PDE5A: variants seen among roughly 807,000 people sequenced by gnomAD.
PDE5A encodes phosphodiesterase 5A, also known as cGMP-specific 3',5'-cyclic phosphodiesterase.
A neutral mutation model predicts 110.2 loss-of-function variants in PDE5A; 67 were observed. That is an observed-to-expected ratio of 0.61 (90% CI 0.50 to 0.75). The LOEUF is 0.75. Ranked by LOEUF, PDE5A falls within the 30% of genes least tolerant of loss-of-function variation. The pLI, the probability that PDE5A is intolerant of heterozygous loss-of-function variation, is 0.00. For synonymous variants in PDE5A, 328 were observed against 351.2 expected, an observed-to-expected ratio of 0.93 and a Z score of 0.74; for missense variants, 862 against 1,045.1, an observed-to-expected ratio of 0.82 and a Z score of 2.42.
In PDE5A at chr4:119,497,570, C is replaced by A. The variant is rs1001430643; in HGVS notation, c.*1031G>T. ...ATTCAGGCATAAAGTTTCTTACCCA[C>A]TGTTCCCTCAAATTCATTTTTGACC... On this transcript the variant is annotated 3_prime_UTR_variant, in exon 21 of 21. Coordinates refer to ENST00000354960, the MANE Select transcript of PDE5A (RefSeq NM_001083.4). 3 of 152,284 alleles carry A rather than the reference C, an allele frequency of 2.0e-5. No homozygotes were observed. The highest frequency in any genetic ancestry group is 6.5e-5 in the Admixed American group (1 of 15,274). 9.4% of individuals were successfully genotyped at this position (152,284 alleles called of 1,614,324 possible). A position where few individuals can be genotyped will look rare whatever the true frequency, so the allele number is the denominator to read the frequency against.
chr4:119,513,404 G>T (rs1383860791), intron 14 of PDE5A, among the ~76,000 whole-genome samples: 1 of 152,110 alleles, frequency 6.6e-6, no homozygotes, highest in Non-Finnish European at 1.5e-5. Context: ...GCACCAGTAT[G>T]GGTGGACATC....
In PDE5A at chr4:119,622,137, G is replaced by A. The variant is rs904921069; in HGVS notation, c.152+6383C>T. On this transcript the variant is annotated intron_variant, in intron 1 of 20. Transcript: ENST00000354960. ...TGTGGTGAGCCGAGATCACGCCACT[G>A]CACTCCAGCCTGGGCGACAGAGCGA... 3.3e-5 allele frequency among the ~76,000 whole-genome samples: 5 copies of A among 150,634 alleles called. No homozygotes were observed. The East Asian group carries it at 7.9e-4, about 24-fold the overall frequency.
At chr4:119,603,677 C>A (rs1472228178) in intron 2 of PDE5A, among the ~76,000 whole-genome samples, 2 of 151,916 alleles carry the variant, frequency 1.3e-5, no homozygotes, top group Non-Finnish European at 2.9e-5. Context: ...TAAAAGTGAA[C>A]TAAATATAGG....
rs1257186181 is a variant in PDE5A at position 119,542,472 on chromosome 4, AT to A, written c.1558del (p.Met520TrpfsTer24). 1 of 1,613,670 alleles carries A rather than the reference AT, an allele frequency of 6.2e-7. No homozygotes were observed. Among genetic ancestry groups the A allele is most frequent in the Non-Finnish European group, 8.5e-7 (1 of 1,179,858 alleles). ...EAVERAMAKQ[M>X]VTLEVLSYHA... ...AACTTCACCCACCTCCAATGTGACC[AT>A]TTGCTTGGCCATGGCTCTCTCCACT... On this transcript the variant is annotated frameshift_variant, in exon 10 of 21. Coordinates refer to ENST00000354960, the MANE Select transcript of PDE5A (RefSeq NM_001083.4). LOFTEE classifies it high-confidence loss of function.
chr4:119,573,977 T>G (rs560555289), intron 3 of PDE5A, among the ~76,000 whole-genome samples: 2 of 152,260 alleles, frequency 1.3e-5, no homozygotes, highest in Admixed American at 1.3e-4. Context: ...ACTTTGTAAC[T>G]GTTCATTCAT....
chr4:119,512,253 T>C (rs1725768562), intron 14 of PDE5A: 1 of 152,082 alleles, frequency 6.6e-6, no homozygotes, highest in African/African-American at 2.4e-5. Flanking sequence ...ATCTCATCTA[T>C]TCTTATTGTT....
intron 3 of PDE5A, among the ~76,000 whole-genome samples, chr4:119,583,879 T>C (rs761462947): frequency 2.0e-4 from 31 of 152,184 alleles, no homozygotes; most frequent in Non-Finnish European, 3.7e-4. Context: ...AGCAGATGTG[T>C]GGTCCAATGA....
Position 119,578,640 on chromosome 4 carries a change from G to C in PDE5A, c.832-11496C>G, listed in dbSNP as rs1728470897. 2.0e-5 allele frequency among the ~76,000 whole-genome samples: 3 copies of C among 152,186 alleles called. No individual in the cohort carries two copies. In the South Asian group the frequency reaches 6.2e-4, roughly 32 times the overall value. The stretch of plus-strand genomic sequence containing the variant: ...TGGGAAAACTGGCTAGCCATATGTA[G>C]AAAGCTGAAACTGGATCCCTTCCTT... On this transcript the variant is annotated intron_variant, in intron 3 of 20. Transcript: ENST00000354960.
intron 1 of PDE5A, among the ~76,000 whole-genome samples, chr4:119,624,273 T>G (rs1211233201): frequency 1.3e-5 from 2 of 152,168 alleles, no homozygotes; most frequent in Non-Finnish European, 2.9e-5. Flanking sequence ...TTGTGGAAAG[T>G]TTATATTCCT....
At chr4:119,625,449 A>G (rs942636158) in intron 1 of PDE5A, among the ~76,000 whole-genome samples, 6 of 152,226 alleles carry the variant, frequency 3.9e-5, no homozygotes, top group African/African-American at 1.4e-4. Context: ...TTCAATAACT[A>G]CCATTGAGTG....
chr4:119,502,393 T>C (rs1440490398), intron 19 of PDE5A, 188 bp downstream of exon 19: 1 of 464,036 alleles, frequency 2.2e-6, no homozygotes, highest in Non-Finnish European at 3.8e-6. Flanking sequence ...CAAGAGTCTT[T>C]ATTATGCCTT....
chr4:119,611,529 C>G (rs1005758800), intron 1 of PDE5A, among the ~76,000 whole-genome samples: 5 of 152,140 alleles, frequency 3.3e-5, no homozygotes, highest in African/African-American at 1.2e-4. Context: ...CACAACTGAC[C>G]GTGACTAATT....
chr4:119,616,112 T>C (rs1435300810), intron 1 of PDE5A, among the ~76,000 whole-genome samples: 3 of 152,216 alleles, frequency 2.0e-5, no homozygotes, highest in Admixed American at 1.3e-4. Flanking sequence ...GTGAATTTAG[T>C]TTTGCTTTTA....
chr4:119,616,584 A>T (rs1465843593), intron 1 of PDE5A, among the ~76,000 whole-genome samples: 1 of 148,380 alleles, frequency 6.7e-6, no homozygotes, highest in Non-Finnish European at 1.5e-5. Context: ...CGCACCTGTC[A>T]AGAGGATGAT....
intron 12 of PDE5A, among the ~76,000 whole-genome samples, chr4:119,521,560 G>C (rs1361869897): frequency 6.6e-6 from 1 of 151,872 alleles, no homozygotes; most frequent in Non-Finnish European, 1.5e-5. Flanking sequence ...GGCCCTGGGG[G>C]TGGACTAGTA....
intron 1 of PDE5A, among the ~76,000 whole-genome samples, chr4:119,625,780 T>C (rs2110571182): frequency 6.6e-6 from 1 of 152,302 alleles, no homozygotes; most frequent in East Asian, 1.9e-4. Context: ...AATAAGTTTT[T>C]ACCACAAAAT....
chr4:119,568,128 T>C (rs559862535), intron 3 of PDE5A, among the ~76,000 whole-genome samples: 8 of 151,624 alleles, frequency 5.3e-5, no homozygotes, highest in Non-Finnish European at 8.8e-5. Context: ...CTTAACATTT[T>C]TCTCTCTCTC....
At chr4:119,602,575 A>G (rs1002853626) in intron 2 of PDE5A, among the ~76,000 whole-genome samples, 1 of 152,248 alleles carries the variant, frequency 6.6e-6, no homozygotes, top group Non-Finnish European at 1.5e-5. Flanking sequence ...CCAGGGGCAC[A>G]GTTACACTTC....
At chr4:119,510,939 A>T in intron 15 of PDE5A, 108 bp downstream of exon 15, 2 of 736,242 alleles carry the variant, frequency 2.7e-6, no homozygotes, top group Non-Finnish European at 4.5e-6. Flanking sequence ...AAAGGAATAA[A>T]GTATGTGCAA....
Sources: allele counts gnomAD v4.1 joint callset (sites outside exome capture counted in the v4.1 genomes callset), GRCh38; gene constraint gnomAD v4.1.1; transcripts MANE v1.5; gene names NCBI Gene and HGNC (gene_info 2026-07-23, HGNC 2026-07-21).